Variants in HS6ST3 observed in about 807,000 individuals in gnomAD.
HS6ST3 encodes heparan sulfate 6-O-sulfotransferase 3.
HS6ST3 carries 12 observed loss-of-function variants against 36.7 expected under a neutral mutation model. The observed-to-expected ratio is 0.33, with a 90% CI of 0.21 to 0.53. The LOEUF (loss-of-function observed/expected upper bound fraction) is 0.53. Ranked by LOEUF, HS6ST3 falls within the 20% of genes least tolerant of loss-of-function variation. The pLI, the probability that HS6ST3 is intolerant of heterozygous loss-of-function variation, is 0.95. For missense variants in HS6ST3, 584 were observed against 640.9 expected (o/e 0.91, Z 0.96); for synonymous variants, 240 against 257.5 (o/e 0.93, Z 0.65).
At chr13:96,275,855 CTTTTTT>C (rs766378075) in intron 1 of HS6ST3, among the ~76,000 whole-genome samples, 1 of 142,686 alleles carries the variant, frequency 7.0e-6, no homozygotes, top group African/African-American at 2.6e-5. Flanking sequence ...CTCTGTCTCT[CTTTTTT>C]TTTTTTTTTG....
intron 1 of HS6ST3, among the ~76,000 whole-genome samples, chr13:96,484,783 A>G (rs551478510): frequency 6.0e-4 from 92 of 152,296 alleles, no homozygotes; most frequent in African/African-American, 2.0e-3. Context: ...TATCTTGGCT[A>G]TTGTAAATAA....
rs2054095057 is a variant in HS6ST3, at chr13:96,153,112, G to A, written c.707+61543G>A. Among the ~76,000 whole-genome samples, 3 of 152,026 alleles carry A rather than the reference G, an allele frequency of 2.0e-5. No homozygotes were observed. The South Asian group carries it at 6.2e-4, about 31-fold the overall frequency. Reference sequence around the variant, plus strand: ...TTTATTTGAACTCCCAGGTGCACACGTAAGCATATGGACACACACACCTAC... The same window carrying A: ...TTTATTTGAACTCCCAGGTGCACACATAAGCATATGGACACACACACCTAC... On this transcript the variant is annotated intron_variant, in intron 1 of 1. Transcript: ENST00000376705.
At position 96,665,311 on chromosome 13, in the gene HS6ST3, C is replaced by T. The variant is rs1020059711; in HGVS notation, c.708-167179C>T. ...TTGAATGCCTACATTGTGCCACATA[C>T]ATAGCAATGGAGCTGGAGACATCAT... On this transcript the variant is annotated intron_variant, in intron 1 of 1. Coordinates refer to ENST00000376705, the MANE Select transcript of HS6ST3 (RefSeq NM_153456.4). 5.3e-5 allele frequency among the ~76,000 whole-genome samples: 8 copies of T among 152,158 alleles called. No homozygotes were observed. The East Asian group carries it at 1.5e-3, about 29-fold the overall frequency.
chr13:96,801,252 AT>A (rs1233645975), intron 1 of HS6ST3, among the ~76,000 whole-genome samples: 2 of 152,150 alleles, frequency 1.3e-5, no homozygotes, highest in African/African-American at 4.8e-5. Context: ...GATGCAAAAC[AT>A]TGAGTTCCTT....
chr13:96,378,121 A>G (rs1448486449), intron 1 of HS6ST3, among the ~76,000 whole-genome samples: 3 of 152,162 alleles, frequency 2.0e-5, no homozygotes, highest in Non-Finnish European at 2.9e-5. Flanking sequence ...CTTGTTTTTG[A>G]AAGTGATTGA....
chr13:96,553,072 C>T (rs1489299696), intron 1 of HS6ST3, among the ~76,000 whole-genome samples: 5 of 152,122 alleles, frequency 3.3e-5, no homozygotes, highest in African/African-American at 1.2e-4. Context: ...GGTGTGGGAC[C>T]TTGGAGTGAC....
intron 1 of HS6ST3, among the ~76,000 whole-genome samples, chr13:96,431,212 AAAAC>A (rs555241730): frequency 0.011 from 1,484 of 135,034 alleles, 27 homozygotes; most frequent in African/African-American, 0.044. Context: ...TCTAAAACAA[AAAAC>A]AAACAAACAA....
intron 1 of HS6ST3, among the ~76,000 whole-genome samples, chr13:96,094,375 T>C (rs915409991): frequency 6.6e-6 from 1 of 152,218 alleles, no homozygotes; most frequent in Non-Finnish European, 1.5e-5. Flanking sequence ...CAAGGCCTTC[T>C]TCCTAAAAAA....
intron 1 of HS6ST3, among the ~76,000 whole-genome samples, chr13:96,552,737 A>AGG (rs973104428): frequency 7.2e-5 from 11 of 152,180 alleles, no homozygotes; most frequent in Non-Finnish European, 1.6e-4. Flanking sequence ...TTCAGCAGGT[A>AGG]GGGGACACCT....
intron 1 of HS6ST3, among the ~76,000 whole-genome samples, chr13:96,400,851 C>T (rs1303256727): frequency 1.3e-5 from 2 of 152,062 alleles, no homozygotes; most frequent in East Asian, 1.9e-4. Flanking sequence ...GATTTCCGGG[C>T]GTTTTCTTTT....
In HS6ST3 at chr13:96,141,242, T is replaced by C. The variant is rs1376677027; in HGVS notation, c.707+49673T>C. Among the ~76,000 whole-genome samples, 7 of 152,376 alleles carry C rather than the reference T, an allele frequency of 4.6e-5. No homozygotes were observed. In the East Asian group the frequency reaches 1.3e-3, roughly 29 times the overall value. ...AAAGTTAACACCAGATGGCAGTCTT[T>C]TAGTTGTACAACAAGAATGCCTGGA... On this transcript the variant is annotated intron_variant, in intron 1 of 1. Transcript: ENST00000376705.
Position 96,835,305 on chromosome 13 carries a change from G to A in HS6ST3, c.*2107G>A, listed in dbSNP as rs1189382969. On this transcript the variant is annotated 3_prime_UTR_variant, in exon 2 of 2. Coordinates refer to ENST00000376705, the MANE Select transcript of HS6ST3 (RefSeq NM_153456.4). ...TCAGTCCAGCCCCCTCCACATCACT[G>A]AGCCATCAATGAGCTGAGAGATCAA... 6.6e-6 allele frequency: 1 copy of A among 152,332 alleles called. No homozygotes were observed. The highest frequency in any genetic ancestry group is 1.5e-5 in the Non-Finnish European group (1 of 68,160). The allele number at this position is 152,332 out of a possible 1,614,324, so 9.4% of individuals were successfully genotyped here. A position where few individuals can be genotyped will look rare whatever the true frequency, so the allele number is the denominator to read the frequency against.
chr13:96,192,853 T>A lies in HS6ST3; in HGVS notation c.707+101284T>A, dbSNP rs975351078. Among the ~76,000 whole-genome samples the A allele has an allele frequency of 5.9e-5, 9 of 152,208 alleles. No homozygotes were observed. In the East Asian group the frequency reaches 1.5e-3, roughly 26 times the overall value. ...TAAATTAATATAGAAATATATTAAA[T>A]TAGAATGAGTATAAACTTGGGAAAA... On this transcript the variant is annotated intron_variant, in intron 1 of 1. Transcript: ENST00000376705.
chr13:96,627,721 T>A (rs919042041), intron 1 of HS6ST3, among the ~76,000 whole-genome samples: 3 of 152,002 alleles, frequency 2.0e-5, no homozygotes, highest in African/African-American at 7.2e-5. Flanking sequence ...ATATAGCCAT[T>A]TATGTTCTCT....
intron 1 of HS6ST3, among the ~76,000 whole-genome samples, chr13:96,301,730 A>AGTG (rs2054883020): frequency 2.6e-5 from 4 of 151,940 alleles, no homozygotes; most frequent in Non-Finnish European, 5.9e-5. Context: ...CATCTCTACT[A>AGTG]AAAATACAAC....
At chr13:96,498,385 G>A (rs1245508377) in intron 1 of HS6ST3, among the ~76,000 whole-genome samples, 4 of 152,110 alleles carry the variant, frequency 2.6e-5, no homozygotes, top group East Asian at 1.9e-4. Context: ...TCCATAAAGC[G>A]TGTCAAGGCA....
intron 1 of HS6ST3, among the ~76,000 whole-genome samples, chr13:96,463,351 T>A (rs1402266435): frequency 6.6e-6 from 1 of 152,102 alleles, no homozygotes; most frequent in African/African-American, 2.4e-5. Context: ...CAAACAGCAT[T>A]GTAGAACAGA....
intron 1 of HS6ST3, among the ~76,000 whole-genome samples, chr13:96,484,278 CTCCT>C (rs954752623): frequency 6.6e-6 from 1 of 151,720 alleles, no homozygotes; most frequent in African/African-American, 2.4e-5. Flanking sequence ...TCACCTTACT[CTCCT>C]TCCTTCCTTC....
rs377176391 is a variant in HS6ST3 at position 96,424,608 on chromosome 13, C to T, written c.707+333039C>T. On this transcript the variant is annotated intron_variant, in intron 1 of 1. Transcript: ENST00000376705. Reference sequence around the variant, plus strand: ...TGATAGGTTCAATGTCTGCTAACAGCCCACTTCCTGGTTCGTAGATGGTGA... The same window carrying T: ...TGATAGGTTCAATGTCTGCTAACAGTCCACTTCCTGGTTCGTAGATGGTGA... Among the ~76,000 whole-genome samples, 194 of 152,238 alleles carry T rather than the reference C, an allele frequency of 1.3e-3. 4 individuals carry two copies. The highest frequency in any genetic ancestry group is 4.5e-3 in the African/African-American group (187 of 41,556).
Sources: gnomAD v4.1 joint callset for allele counts (sites outside exome capture counted in the v4.1 genomes callset) on GRCh38, gnomAD v4.1.1 for gene constraint, MANE v1.5 for transcripts, NCBI Gene and HGNC (gene_info 2026-07-23, HGNC 2026-07-21) for gene names.